PCDHGA11: variants seen among roughly 807,000 people sequenced by gnomAD.
PCDHGA11 encodes the protein protocadherin gamma-A11.
A neutral mutation model predicts 60.4 loss-of-function variants in PCDHGA11; 39 were observed. The ratio of observed to expected loss-of-function variants is 0.65; its 90% CI spans 0.50 to 0.84. PCDHGA11 has a LOEUF of 0.84. Ranked by LOEUF, PCDHGA11 falls within the 40% of genes least tolerant of loss-of-function variation. The pLI, the probability that PCDHGA11 is intolerant of heterozygous loss-of-function variation, is 0.00. For missense variants in PCDHGA11, 1,165 were observed against 1,197.7 expected, an observed-to-expected ratio of 0.97 and a Z score of 0.40; for synonymous variants, 533 against 510.3, an observed-to-expected ratio of 1.04 and a Z score of -0.60.
At chr5:141,499,019 AG>A (rs2099788634) in intron 2 of PCDHGA11, among the ~76,000 whole-genome samples, 3 of 150,840 alleles carry the variant, frequency 2.0e-5, no homozygotes, top group Non-Finnish European at 3.0e-5. Context: ...GAAGGAAGGA[AG>A]GAAGGAAGAA....
Position 141,489,088 on chromosome 5 carries a change from G to GCCA in PCDHGA11, c.2434-5719_2434-5718insCCA. ...CCCCTGCCCACCCCCGCCACTCGGTGACTAAGAACTGCTGCAAGCAGGCAA... is the reference window on the plus strand; with the variant it reads ...CCCCTGCCCACCCCCGCCACTCGGTGCCAACTAAGAACTGCTGCAAGCAGGCAA... On this transcript the variant is annotated intron_variant, in intron 1 of 3. Coordinates refer to ENST00000398587, the MANE Select transcript of PCDHGA11 (RefSeq NM_018914.3). This position sits in a 1 kb window ranked among gnomAD's most constrained non-coding sequence, Gnocchi z 4.5. The GCCA allele has an allele frequency of 2.9e-6, 1 of 347,238 alleles. No individual in the cohort carries two copies. 21.5% of individuals were successfully genotyped at this position (347,238 alleles called of 1,614,324 possible). A position where few individuals can be genotyped will look rare whatever the true frequency, so the allele number is the denominator to read the frequency against.
intron 1 of PCDHGA11, among the ~76,000 whole-genome samples, chr5:141,469,304 C>T (rs890230691): frequency 2.0e-5 from 3 of 151,892 alleles, no homozygotes; most frequent in East Asian, 1.9e-4. Flanking sequence ...AGACTGGGCA[C>T]GATGGCTCAC....
chr5:141,459,993 G>T (rs1320315247), intron 1 of PCDHGA11, among the ~76,000 whole-genome samples: 1 of 152,164 alleles, frequency 6.6e-6, no homozygotes, highest in African/African-American at 2.4e-5. Context: ...CAGGAGAATC[G>T]CTTGAACCCA....
intron 1 of PCDHGA11, among the ~76,000 whole-genome samples, chr5:141,483,255 G>T (rs1383670642): frequency 1.3e-5 from 2 of 152,030 alleles, no homozygotes; most frequent in African/African-American, 2.4e-5. Context: ...ATATCATGAG[G>T]TTTTTTTGTT....
At chr5:141,500,615 A>G (rs1341597957) in intron 2 of PCDHGA11, among the ~76,000 whole-genome samples, 1 of 152,232 alleles carries the variant, frequency 6.6e-6, no homozygotes, top group East Asian at 1.9e-4. Flanking sequence ...ATTCCCAGTC[A>G]TACGGTACAT....
intron 1 of PCDHGA11, among the ~76,000 whole-genome samples, chr5:141,488,697 A>T (rs1337725245): frequency 6.6e-6 from 1 of 152,162 alleles, no homozygotes; most frequent in Non-Finnish European, 1.5e-5. Context: ...GAAGGACAAG[A>T]TTTTGCTGGT....
chr5:141,483,648 T>TTGTGTGTGTGTG (rs111458813), intron 1 of PCDHGA11, among the ~76,000 whole-genome samples: 51 of 149,708 alleles, frequency 3.4e-4, no homozygotes, highest in African/African-American at 1.2e-3. Context: ...GGGTGTGTGT[T>TTGTGTGTGTGTG]TGTGTGTGTG....
chr5:141,461,303 G>T (rs1390421489), intron 1 of PCDHGA11, among the ~76,000 whole-genome samples: 2 of 152,074 alleles, frequency 1.3e-5, no homozygotes, highest in Non-Finnish European at 2.9e-5. Flanking sequence ...AACATCTATT[G>T]TTTTTTGACT....
intron 3 of PCDHGA11, 110 bp downstream of exon 3, chr5:141,505,591 G>A (rs2099846959): frequency 6.4e-7 from 1 of 1,570,162 alleles, no homozygotes; most frequent in Non-Finnish European, 8.7e-7. Context: ...AGTTTCTCCA[G>A]ATCTTTCGGC....
intron 1 of PCDHGA11, among the ~76,000 whole-genome samples, chr5:141,483,526 G>A (rs2099582495): frequency 6.6e-6 from 1 of 152,118 alleles, no homozygotes; most frequent in African/African-American, 2.4e-5. Flanking sequence ...TCCTGACTAA[G>A]GAAGCTGGGT....
At chr5:141,450,004 C>CTTTAT (rs2098662217) in intron 1 of PCDHGA11, among the ~76,000 whole-genome samples, 1 of 75,148 alleles carries the variant, frequency 1.3e-5, no homozygotes, top group Non-Finnish European at 2.3e-5. Flanking sequence ...GTTGCCATGT[C>CTTTAT]TCTTTTTTTT....
In PCDHGA11 at chr5:141,423,058, A is replaced by T. The variant is rs1235938743; in HGVS notation, c.1831A>T (p.Lys611Ter). The change falls in exon 1 of 4, where the codon AAG becomes TAG. Residue 611 changes from lysine (K) to a stop codon, truncating the protein, a stop_gained. Coordinates refer to ENST00000398587, the MANE Select transcript of PCDHGA11 (RefSeq NM_018914.3). LOFTEE classifies it high-confidence loss of function. ...QNAWLSYRLLKASEPGLFAVG... is the reference protein window; with the variant it reads ...QNAWLSYRLL ...CGCCTGGCTGTCCTATCGCCTGCTT[A>T]AGGCCAGCGAGCCGGGACTCTTCGC... The T allele has an allele frequency of 6.2e-7, 1 of 1,614,022 alleles. No homozygotes were observed. The highest frequency in any genetic ancestry group is 8.5e-7 in the Non-Finnish European group (1 of 1,180,038).
chr5:141,494,746 C>A lies in PCDHGA11; in HGVS notation c.2434-61C>A. 3 of 1,613,088 alleles carry A rather than the reference C, an allele frequency of 1.9e-6. No individual in the cohort carries two copies. The South Asian group carries it at 3.3e-5, about 18-fold the overall frequency. On this transcript the variant is annotated intron_variant, in intron 1 of 3. Coordinates refer to ENST00000398587, the MANE Select transcript of PCDHGA11 (RefSeq NM_018914.3). ...TTCTCTCCCGGCCCATCCCTAGGGG[C>A]TCGGGTGACATTCTAACTTCTCACG...
At chr5:141,469,833 TTA>T (rs1343669772) in intron 1 of PCDHGA11, among the ~76,000 whole-genome samples, 2 of 152,054 alleles carry the variant, frequency 1.3e-5, no homozygotes, top group Non-Finnish European at 2.9e-5. Flanking sequence ...CACATAAAAC[TTA>T]TTCTTAAGAT....
chr5:141,495,735 T>C (rs1595351919), intron 2 of PCDHGA11, among the ~76,000 whole-genome samples: 1 of 152,044 alleles, frequency 6.6e-6, no homozygotes, highest in Admixed American at 6.5e-5. Context: ...CCTTAGTCTC[T>C]TTCTCCTTCT....
intron 1 of PCDHGA11, among the ~76,000 whole-genome samples, chr5:141,483,652 G>A (rs746306843): frequency 2.0e-5 from 3 of 151,916 alleles, no homozygotes; most frequent in Non-Finnish European, 4.4e-5. Context: ...GTGTGTTTGT[G>A]TGTGTGTGTG....
Position 141,512,171 on chromosome 5 carries a change from T to C in PCDHGA11, c.*998T>C, listed in dbSNP as rs140884268. ...GGGCTGAGCTAACAGGACCAATGGA[T>C]TAAACTGGCATTTCAGTCCAAGGAA... On this transcript the variant is annotated 3_prime_UTR_variant, in exon 4 of 4. Transcript: ENST00000398587. 584 of 152,796 alleles carry C rather than the reference T, an allele frequency of 3.8e-3. 5 individuals carry two copies. The highest frequency in any genetic ancestry group is 0.011 in the Admixed American group (167 of 15,298). The allele number at this position is 152,796 out of a possible 1,614,324, so 9.5% of individuals were successfully genotyped here. A position where few individuals can be genotyped will look rare whatever the true frequency, so the allele number is the denominator to read the frequency against.
Position 141,432,059 on chromosome 5 carries a change from A to T in PCDHGA11, c.2433+8399A>T. On this transcript the variant is annotated intron_variant, in intron 1 of 3. Transcript: ENST00000398587. This position sits in a 1 kb window ranked among gnomAD's most constrained non-coding sequence, Gnocchi z 6.0. ...TGACCGGGGAACCCCGCCCCTATCC[A>T]CGGAAACTCATATCTCGCTGAACGT... The T allele has an allele frequency of 6.2e-7, 1 of 1,614,170 alleles. No homozygotes were observed. Among genetic ancestry groups the T allele is most frequent in the Non-Finnish European group, 8.5e-7 (1 of 1,180,030 alleles).
intron 1 of PCDHGA11, chr5:141,427,435 T>C (rs536693959): frequency 2.1e-6 from 1 of 474,160 alleles, no homozygotes; most frequent in African/African-American, 2.0e-5. Flanking sequence ...ACATGCCTCA[T>C]AAACGAAAGA....
Sources: gnomAD v4.1 joint callset for allele counts (sites outside exome capture counted in the v4.1 genomes callset) on GRCh38, gnomAD v4.1.1 for gene constraint, Gnocchi (gnomAD v3.1) non-coding constraint, MANE v1.5 for transcripts, NCBI Gene and HGNC (gene_info 2026-07-23, HGNC 2026-07-21) for gene names.